Variants in CACNA1S observed in about 807,000 individuals in gnomAD.
CACNA1S encodes the protein voltage-dependent L-type calcium channel subunit alpha-1S.
Under a neutral mutation model 207.4 loss-of-function variants are expected in CACNA1S, and 126 were observed. The observed-to-expected ratio is 0.61, with a 90% CI of 0.53 to 0.70. CACNA1S has a LOEUF of 0.70. Among genes scored for constraint, CACNA1S ranks in the 30% least tolerant of loss-of-function variants. The probability of loss-of-function intolerance (pLI) is 0.00; values close to 1 mark genes in which losing one functional copy is unlikely to be tolerated. For synonymous variants in CACNA1S, 960 were observed against 932.7 expected (o/e 1.03, Z -0.53); for missense variants, 2,349 against 2,422.8 (o/e 0.97, Z 0.64).
intron 34 of CACNA1S, among the ~76,000 whole-genome samples, chr1:201,049,808 AC>A (rs1660593946): frequency 6.6e-6 from 1 of 152,144 alleles, no homozygotes; most frequent in Non-Finnish European, 1.5e-5. Flanking sequence ...CACCAAACAG[AC>A]CTGCACTGTA....
chr1:201,098,426 C>T (rs1204299983), intron 2 of CACNA1S, among the ~76,000 whole-genome samples: 2 of 152,162 alleles, frequency 1.3e-5, no homozygotes, highest in Non-Finnish European at 2.9e-5. Context: ...TCCCAGCTGG[C>T]ACACACACAC....
chr1:201,044,122 G>C lies in CACNA1S; in HGVS notation c.4797+206C>G, dbSNP rs772382745. Among the ~76,000 whole-genome samples the C allele has an allele frequency of 2.0e-5, 3 of 152,148 alleles. 1 individual carries two copies. The highest frequency in any genetic ancestry group is 4.4e-5 in the Non-Finnish European group (3 of 68,004). ...AGATTTGGTAGGGAAATGTGGGAAA[G>C]AGTGTGTTGCATTTGACACCTCTAG... On this transcript the variant is annotated intron_variant, in intron 39 of 43. Transcript: ENST00000362061.
chr1:201,091,534 TG>T, intron 5 of CACNA1S, 105 bp downstream of exon 5: 1 of 1,238,188 alleles, frequency 8.1e-7, no homozygotes, highest in Non-Finnish European at 1.2e-6. Context: ...TCAACAGATG[TG>T]GGCGGCAATG....
At chr1:201,108,750 G>T (rs1489169720) in intron 2 of CACNA1S, among the ~76,000 whole-genome samples, 3 of 152,200 alleles carry the variant, frequency 2.0e-5, no homozygotes, top group African/African-American at 4.8e-5. Context: ...ATAAAGGAAA[G>T]GCAGAGATGT....
chr1:201,044,456 C>T lies in CACNA1S; in HGVS notation c.4669G>A (p.Ala1557Thr). 1 of 1,612,206 alleles carries T rather than the reference C, an allele frequency of 6.2e-7. No individual in the cohort carries two copies. The change falls in exon 39 of 44, where the codon GCA becomes ACA. Residue 1557 changes from alanine to threonine, a missense_variant and splice_region_variant. Transcript: ENST00000362061. ...TCTTCCTCAATGGTCCGCAGCCCTG[C>T]CTGGGGATGACGAAGGGACTCAGTT... ...RPKKDIVQIQ[A>T]GLRTIEEEAA...
At position 201,065,959 on chromosome 1, in the gene CACNA1S, G is replaced by A. The variant is rs113792034; in HGVS notation, c.2746-14C>T. The stretch of plus-strand genomic sequence containing the variant: ...CTGCACCACGTGCTGGGGACAGAGG[G>A]GCCAATGGGGACTGGGGGTGCACCC... On this transcript the variant is annotated splice_polypyrimidine_tract_variant and intron_variant, in intron 21 of 43. Transcript: ENST00000362061. The A allele has an allele frequency of 0.041, 63,754 of 1,571,438 alleles. 1,450 individuals carry two copies. Among genetic ancestry groups the A allele is most frequent in the Middle Eastern group, 0.069 (413 of 5,982 alleles).
At chr1:201,042,169 TTC>T (rs780155543) in intron 40 of CACNA1S, among the ~76,000 whole-genome samples, 11 of 152,188 alleles carry the variant, frequency 7.2e-5, no homozygotes, top group Non-Finnish European at 1.0e-4. Flanking sequence ...CGGAGTCTTG[TTC>T]TCTCACCCAG....
In CACNA1S at chr1:201,053,287, C is replaced by T. The variant is rs374572342; in HGVS notation, c.3796-13G>A. 68 of 1,611,908 alleles carry T rather than the reference C, an allele frequency of 4.2e-5. No individual in the cohort carries two copies. The highest frequency in any genetic ancestry group is 1.7e-4 in the Middle Eastern group (1 of 6,040). On this transcript the variant is annotated splice_polypyrimidine_tract_variant and intron_variant, in intron 30 of 43. Coordinates refer to ENST00000362061, the MANE Select transcript of CACNA1S (RefSeq NM_000069.3). This position sits in a 1 kb window ranked among gnomAD's most constrained non-coding sequence, Gnocchi z 5.1. Reference sequence around the variant, plus strand: ...CGTAGGGTAGGGCCTGCAGGGCGGGCGGGAGCGCCAGTCAGTGTCTTAGGG... The same window carrying T: ...CGTAGGGTAGGGCCTGCAGGGCGGGTGGGAGCGCCAGTCAGTGTCTTAGGG...
chr1:201,060,818 T>A lies in CACNA1S; in HGVS notation c.3256-2A>T. On this transcript the variant is annotated splice_acceptor_variant, in intron 25 of 43. Transcript: ENST00000362061. LOFTEE classifies it high-confidence loss of function. ...CAGGGCATACTGTACACATTGGCGC[T>A]GTGACACATACAACAGGACAGGTCA... 1 of 1,614,188 alleles carries A rather than the reference T, an allele frequency of 6.2e-7. No individual in the cohort carries two copies. The highest frequency in any genetic ancestry group is 8.5e-7 in the Non-Finnish European group (1 of 1,180,036).
chr1:201,097,626 C>G (rs1447580757), intron 2 of CACNA1S, among the ~76,000 whole-genome samples: 1 of 152,172 alleles, frequency 6.6e-6, no homozygotes, highest in Non-Finnish European at 1.5e-5. Context: ...TCCTTGAGGC[C>G]ACGTCATCCT....
At chr1:201,070,225 G>T in intron 17 of CACNA1S, 47 bp downstream of exon 17, 1 of 1,609,646 alleles carries the variant, frequency 6.2e-7, no homozygotes, top group South Asian at 1.1e-5. Context: ...CAGGGAAGCA[G>T]ATGAGAGCCG....
rs145910245 is a variant in CACNA1S at position 201,051,037 on chromosome 1, T to A, written c.4060A>T (p.Thr1354Ser). ...YAPGEEYTCGTNFAYYYFISF... is the reference protein window; with the variant it reads ...YAPGEEYTCGSNFAYYYFISF... The stretch of plus-strand genomic sequence containing the variant: ...ATGAAGTAGTAGTATGCAAAGTTGG[T>A]GCCACATGTGTACTCCTCCCCTGGG... The change falls in exon 33 of 44, where the codon ACC (threonine) becomes TCC (serine). Residue 1354 changes from threonine to serine, a missense_variant. Coordinates refer to ENST00000362061, the MANE Select transcript of CACNA1S (RefSeq NM_000069.3). 7,806 of 1,614,210 alleles carry A rather than the reference T, an allele frequency of 4.8e-3. 34 individuals are homozygous for A. Among genetic ancestry groups the A allele is most frequent in the Non-Finnish European group, 5.9e-3 (7,006 of 1,180,016 alleles).
Position 201,110,279 on chromosome 1 carries a change from G to A in CACNA1S, c.153-10C>T. On this transcript the variant is annotated splice_polypyrimidine_tract_variant and intron_variant, in intron 1 of 43. Coordinates refer to ENST00000362061, the MANE Select transcript of CACNA1S (RefSeq NM_000069.3). ...GATCGTCTCGAAGGGCCTGGAGCCA[G>A]GGTTAAGGAGAGCCCTCGAGTGAGG... 1.2e-6 allele frequency: 2 copies of A among 1,613,284 alleles called. No individual in the cohort carries two copies. The highest frequency in any genetic ancestry group is 1.7e-6 in the Non-Finnish European group (2 of 1,179,184).
chr1:201,052,712 C>A, intron 31 of CACNA1S, 64 bp from the exon 32 acceptor site: 2 of 1,335,862 alleles, frequency 1.5e-6, no homozygotes, highest in Non-Finnish European at 2.2e-6. Context: ...GCTTATCCCC[C>A]ACTGCCTTCT....
chr1:201,061,882 G>C, intron 24 of CACNA1S, 62 bp downstream of exon 24: 1 of 1,594,460 alleles, frequency 6.3e-7, no homozygotes, highest in South Asian at 1.1e-5. Flanking sequence ...AGAAGGGCAG[G>C]CTGGCTGCCT....
chr1:201,044,544 T>G, intron 38 of CACNA1S, 88 bp from the exon 39 acceptor site: 1 of 1,502,494 alleles, frequency 6.7e-7, no homozygotes. Context: ...AGAGTCTCAC[T>G]CTGTTGCCCA....
intron 19 of CACNA1S, among the ~76,000 whole-genome samples, 190 bp downstream of exon 19, chr1:201,068,947 T>C (rs919232717): frequency 1.3e-5 from 2 of 152,222 alleles, no homozygotes; most frequent in Non-Finnish European, 2.9e-5. Context: ...AGCCACAGGC[T>C]GGCTGGGCTT....
intron 32 of CACNA1S, among the ~76,000 whole-genome samples, chr1:201,051,669 C>A (rs563708921): frequency 2.2e-4 from 34 of 152,348 alleles, no homozygotes; most frequent in African/African-American, 7.5e-4. Context: ...CTGCTACAAC[C>A]TGCTCTGTAG....
chr1:201,080,455 A>G (rs1306140734), intron 10 of CACNA1S, among the ~76,000 whole-genome samples: 1 of 152,208 alleles, frequency 6.6e-6, no homozygotes, highest in Non-Finnish European at 1.5e-5. Context: ...CGATTGGCAC[A>G]TTCACGGTGC....
Sources: gnomAD v4.1 joint callset for allele counts (sites outside exome capture counted in the v4.1 genomes callset) on GRCh38, gnomAD v4.1.1 for gene constraint, Gnocchi (gnomAD v3.1) non-coding constraint, MANE v1.5 for transcripts, NCBI Gene and HGNC (gene_info 2026-07-23, HGNC 2026-07-21) for gene names.